SERPINB6: variants seen among roughly 807,000 people sequenced by gnomAD.
SERPINB6 encodes serpin B6.
SERPINB6 carries 16 observed loss-of-function variants against 26.1 expected under a neutral mutation model. The observed-to-expected ratio is 0.61, with a 90% CI of 0.42 to 0.93. The LOEUF (loss-of-function observed/expected upper bound fraction) is 0.93. Ranked by LOEUF, SERPINB6 falls within the 40% of genes least tolerant of loss-of-function variation. The pLI is 0.00. For synonymous variants in SERPINB6, 174 were observed against 176.6 expected (o/e 0.99, Z 0.11); for missense variants, 420 against 478.0 (o/e 0.88, Z 1.13).
intron 5 of SERPINB6, among the ~76,000 whole-genome samples, chr6:2,950,718 T>A (rs1769693830): frequency 6.6e-6 from 1 of 152,074 alleles, no homozygotes; most frequent in South Asian, 2.1e-4. Context: ...CCACACCCCA[T>A]CCAACAATCC....
chr6:2,970,939 G>C (rs1407895288), intron 1 of SERPINB6: 6 of 1,228,546 alleles, frequency 4.9e-6, no homozygotes, highest in African/African-American at 3.1e-5. Flanking sequence ...AGCCCAGCAC[G>C]GCCAGTCCAG....
At chr6:2,961,961 A>C (rs749636265) in intron 1 of SERPINB6, 116 of 984,586 alleles carry the variant, frequency 1.2e-4, no homozygotes, top group Non-Finnish European at 1.4e-4. Context: ...CCTGGCCTCA[A>C]GTGATCTTCC....
chr6:2,969,797 A>G (rs13196974), intron 1 of SERPINB6: 9 of 979,784 alleles, frequency 9.2e-6, no homozygotes, highest in Admixed American at 6.2e-5. Context: ...TTGTGTGTGT[A>G]TGTGTTTAAT....
chr6:2,968,718 C>G, intron 1 of SERPINB6: 1 of 1,231,386 alleles, frequency 8.1e-7, no homozygotes, highest in Non-Finnish European at 1.0e-6. Flanking sequence ...TTCCTAACAA[C>G]CCTTGGATGT....
rs1437936421 is a variant in SERPINB6 at position 2,958,929 on chromosome 6, G to A, written c.165+239C>T. ...CAAACTCACGAACAAGCTAAGCCAT[G>A]TGATGATGAAATCATTCATTCCTCT... On this transcript the variant is annotated intron_variant, in intron 2 of 6. Transcript: ENST00000380539. Among the ~76,000 whole-genome samples the A allele has an allele frequency of 2.0e-5, 3 of 152,078 alleles. No homozygotes were observed. The East Asian group carries it at 5.8e-4, about 29-fold the overall frequency.
upstream of SERPINB6, chr6:2,971,605 G>A (rs1772187684): frequency 6.6e-6 from 1 of 152,158 alleles, no homozygotes; most frequent in East Asian, 1.9e-4. Context: ...AAATACTCGC[G>A]GGGAGGCGGG....
chr6:2,962,604 A>G (rs1032817516), intron 1 of SERPINB6, among the ~76,000 whole-genome samples: 2 of 152,228 alleles, frequency 1.3e-5, no homozygotes, highest in Non-Finnish European at 2.9e-5. Context: ...CTCAATTTTC[A>G]AAGCCCACAG....
intron 5 of SERPINB6, 60 bp downstream of exon 5, chr6:2,952,984 C>T (rs1769983569): frequency 6.2e-7 from 1 of 1,610,822 alleles, no homozygotes. Context: ...CGCGGGAGGC[C>T]CCGAGCCGGA....
intron 1 of SERPINB6, chr6:2,970,078 T>C: frequency 1.0e-6 from 1 of 954,328 alleles, no homozygotes; most frequent in South Asian, 4.9e-5. Context: ...AAAAAAAAAA[T>C]TTTCTTTCTT....
At chr6:2,970,486 C>A in intron 1 of SERPINB6, 1 of 1,134,234 alleles carries the variant, frequency 8.8e-7, no homozygotes, top group South Asian at 4.4e-5. Flanking sequence ...ACAAGGCCGG[C>A]CCAGGACCTT....
intron 2 of SERPINB6, 120 bp downstream of exon 2, chr6:2,959,048 G>A (rs755780435): frequency 1.7e-4 from 230 of 1,349,170 alleles, no homozygotes; most frequent in Non-Finnish European, 2.3e-4. Flanking sequence ...CTGTAAACTC[G>A]CCACCCACAC....
Position 2,948,543 on chromosome 6 carries a change from C to A in SERPINB6, c.886G>T (p.Glu296Ter). 1 of 1,614,144 alleles carries A rather than the reference C, an allele frequency of 6.2e-7. No individual in the cohort carries two copies. Among genetic ancestry groups the A allele is most frequent in the South Asian group, 1.1e-5 (1 of 91,086 alleles). ...CCAGAGAAGTCTGCCTTGCCCAGCT[C>A]GAAGGCATCAGTCATGCCCAGGTTG... is the stretch of plus-strand genomic sequence containing the variant. Reference protein sequence around the residue: ...LRNLGMTDAFELGKADFSGMS... With the variant: ...LRNLGMTDAF Residue 296 changes from glutamate to a stop codon, truncating the protein, a stop_gained, in exon 7 of 7, where the codon GAG becomes TAG. Transcript: ENST00000380539. LOFTEE classifies it low-confidence loss of function (END_TRUNC). This position sits in a 1 kb window ranked among gnomAD's most constrained non-coding sequence, Gnocchi z 5.0.
chr6:2,967,276 T>G lies in SERPINB6; in HGVS notation c.-11+4257A>C, dbSNP rs1771724124. ...CTGGACCCCTTCCTTACATACACCATGTACAAAAATCAACTCAAGATGGAT... is the reference window on the plus strand; with the variant it reads ...CTGGACCCCTTCCTTACATACACCAGGTACAAAAATCAACTCAAGATGGAT... On this transcript the variant is annotated intron_variant, in intron 1 of 6. Coordinates refer to ENST00000380539, the MANE Select transcript of SERPINB6 (RefSeq NM_004568.6). The surrounding 1 kb of genome is among the most constrained non-coding windows in gnomAD (Gnocchi z 4.3). 1 of 961,788 alleles carries G rather than the reference T, an allele frequency of 1.0e-6. No individual in the cohort carries two copies. Among genetic ancestry groups the G allele is most frequent in the Non-Finnish European group, 1.2e-6 (1 of 808,634 alleles). The allele number at this position is 961,788 out of a possible 1,614,324, so 59.6% of individuals were successfully genotyped here.
chr6:2,948,233 C>A lies in SERPINB6; in HGVS notation c.*65G>T. 6.3e-7 allele frequency: 1 copy of A among 1,597,946 alleles called. No homozygotes were observed. The highest frequency in any genetic ancestry group is 1.1e-5 in the South Asian group (1 of 90,568). On this transcript the variant is annotated 3_prime_UTR_variant, in exon 7 of 7. Transcript: ENST00000380539. This position sits in a 1 kb window ranked among gnomAD's most constrained non-coding sequence, Gnocchi z 5.0. ...TGCACGGATAAGGCCACTTGGGTTG[C>A]AGGCACACTGTGGAGTGTCAGGGGA... is the stretch of plus-strand genomic sequence containing the variant.
chr6:2,951,388 G>GAAAAAAAAAAAAAAAA (rs367951075), intron 5 of SERPINB6, among the ~76,000 whole-genome samples: 1 of 86,310 alleles, frequency 1.2e-5, no homozygotes. Flanking sequence ...CTCTGTCTTG[G>GAAAAAAAAAAAAAAAA]AAAAAATAAA....
rs919436876 is a variant in SERPINB6 at position 2,969,526 on chromosome 6, A to G, written c.-11+2007T>C. 9.8e-5 allele frequency: 97 copies of G among 985,420 alleles called. No individual in the cohort carries two copies. The African/African-American group carries it at 1.6e-3, about 16-fold the overall frequency. The allele number at this position is 985,420 out of a possible 1,614,324, so 61.0% of individuals were successfully genotyped here. A position where few individuals can be genotyped will look rare whatever the true frequency, so the allele number is the denominator to read the frequency against. On this transcript the variant is annotated intron_variant, in intron 1 of 6. Transcript: ENST00000380539. ...TTTTATGTATTTTTTAAACAAGCCTAACAAATCTATCCTGGCATCACTTTT... is the reference window on the plus strand; with the variant it reads ...TTTTATGTATTTTTTAAACAAGCCTGACAAATCTATCCTGGCATCACTTTT...
chr6:2,960,961 T>C (rs895917212), intron 1 of SERPINB6: 1 of 148,548 alleles, frequency 6.7e-6, no homozygotes, highest in Non-Finnish European at 1.5e-5. Flanking sequence ...AAAATGCCAC[T>C]CCACTGGCCT....
intron 4 of SERPINB6, among the ~76,000 whole-genome samples, chr6:2,953,408 G>A (rs1770051683): frequency 6.6e-6 from 1 of 152,208 alleles, no homozygotes; most frequent in Non-Finnish European, 1.5e-5. Flanking sequence ...GAACAAATAT[G>A]CGTTAATTAT....
At chr6:2,952,316 T>C (rs1455912438) in intron 5 of SERPINB6, among the ~76,000 whole-genome samples, 4 of 152,214 alleles carry the variant, frequency 2.6e-5, no homozygotes, top group Non-Finnish European at 4.4e-5. Flanking sequence ...GATCTAACTA[T>C]GGTCAATGAT....
Sources: allele counts gnomAD v4.1 joint callset (sites outside exome capture counted in the v4.1 genomes callset), GRCh38; gene constraint gnomAD v4.1.1; non-coding constraint Gnocchi (gnomAD v3.1); transcripts MANE v1.5; gene names NCBI Gene and HGNC (gene_info 2026-07-23, HGNC 2026-07-21).